The following ARHGAP32 variants were observed in gnomAD, a reference collection of about 807,000 sequenced individuals.
ARHGAP32 encodes rho GTPase-activating protein 32.
In ARHGAP32, 51 loss-of-function variants were observed where a neutral mutation model predicts 186.5. The observed-to-expected ratio is 0.27, with a 90% CI of 0.22 to 0.35. The LOEUF (loss-of-function observed/expected upper bound fraction) is 0.35, where lower values mean the gene tolerates loss of function less well. Ranked by LOEUF, ARHGAP32 falls within the 10% of genes least tolerant of loss-of-function variation. ARHGAP32 has a pLI of 1.00. For synonymous variants in ARHGAP32, 950 were observed against 964.3 expected (o/e 0.99, Z 0.27); for missense variants, 2,186 against 2,623.5 (o/e 0.83, Z 3.64).
intron 1 of ARHGAP32, among the ~76,000 whole-genome samples, chr11:129,268,803 C>T (rs1444157570): frequency 6.6e-6 from 1 of 151,918 alleles, no homozygotes; most frequent in African/African-American, 2.4e-5. Context: ...TCTACTGCTA[C>T]CAGCTGGATC....
At chr11:128,993,341 A>G (rs1196355053) in intron 12 of ARHGAP32, 3 of 152,180 alleles carry the variant, frequency 2.0e-5, no homozygotes, top group Non-Finnish European at 2.9e-5. Flanking sequence ...AAGCAAGCAC[A>G]TAAAACGTAA....
intron 6 of ARHGAP32, among the ~76,000 whole-genome samples, chr11:129,092,967 G>A (rs525988): frequency 0.12 from 18,713 of 151,892 alleles, 1,338 homozygotes; most frequent in Middle Eastern, 0.16. Flanking sequence ...TTACATGATG[G>A]GGGAAATAAT....
intron 12 of ARHGAP32, among the ~76,000 whole-genome samples, 179 bp from the exon 13 acceptor site, chr11:128,988,304 C>T (rs963286392): frequency 3.3e-5 from 5 of 152,116 alleles, no homozygotes; most frequent in Non-Finnish European, 5.9e-5. Flanking sequence ...AATTGCCCAC[C>T]TAAATTAGAT....
intron 5 of ARHGAP32, among the ~76,000 whole-genome samples, chr11:129,119,174 G>A (rs1240705813): frequency 6.6e-6 from 1 of 151,884 alleles, no homozygotes; most frequent in Non-Finnish European, 1.5e-5. Context: ...CTGTCACCTA[G>A]TATTCTAGGG....
chr11:128,990,255 G>A (rs1334084250), intron 12 of ARHGAP32, among the ~76,000 whole-genome samples: 3 of 152,170 alleles, frequency 2.0e-5, no homozygotes, highest in Admixed American at 1.3e-4. Context: ...GCTGAGCACT[G>A]TGTTCTATGT....
At chr11:129,045,943 T>C (rs1939788472) in intron 10 of ARHGAP32, among the ~76,000 whole-genome samples, 1 of 152,130 alleles carries the variant, frequency 6.6e-6, no homozygotes, top group South Asian at 2.1e-4. Flanking sequence ...TTAGGAATGG[T>C]CTTGAAAAGA....
In ARHGAP32 at chr11:128,966,965, C is replaced by G. The variant is rs747280800; in HGVS notation, c.*1942G>C. On this transcript the variant is annotated 3_prime_UTR_variant, in exon 23 of 23. Coordinates refer to ENST00000682385, the MANE Select transcript of ARHGAP32 (RefSeq NM_001378024.1). Reference sequence around the variant, plus strand: ...AAAGGGAAGTATCCTATCAGGTTTCCTAGCACTTTGACTGTAAAACAGTTG... The same window carrying G: ...AAAGGGAAGTATCCTATCAGGTTTCGTAGCACTTTGACTGTAAAACAGTTG... 3.3e-5 allele frequency: 5 copies of G among 152,210 alleles called. No individual in the cohort carries two copies. The highest frequency in any genetic ancestry group is 2.0e-4 in the Admixed American group (3 of 15,286). 9.4% of individuals were successfully genotyped at this position (152,210 alleles called of 1,614,324 possible).
chr11:129,076,361 T>G (rs557691170), intron 6 of ARHGAP32, among the ~76,000 whole-genome samples: 5 of 152,234 alleles, frequency 3.3e-5, no homozygotes, highest in Non-Finnish European at 5.9e-5. Context: ...TTTCACGTTA[T>G]GGGCTCTCCC....
At chr11:129,141,335 G>C (rs901899452) in intron 2 of ARHGAP32, among the ~76,000 whole-genome samples, 18 of 150,816 alleles carry the variant, frequency 1.2e-4, no homozygotes, top group Admixed American at 3.3e-4. Flanking sequence ...CATGGATGAA[G>C]CTGGAAACCA....
chr11:129,124,783 C>A lies in ARHGAP32; in HGVS notation c.317+20G>T. On this transcript the variant is annotated intron_variant, in intron 3 of 22. Coordinates refer to ENST00000682385, the MANE Select transcript of ARHGAP32 (RefSeq NM_001378024.1). ...CATTCGTAGGAATTCATTTAGAATC[C>A]ACTGTAAAGTTATACTCACTTTTTC... The A allele has an allele frequency of 1.3e-6, 2 of 1,524,856 alleles. No homozygotes were observed. The highest frequency in any genetic ancestry group is 2.3e-5 in the East Asian group (1 of 43,768). The allele number at this position is 1,524,856 out of a possible 1,614,324, so 94.5% of individuals were successfully genotyped here. A position where few individuals can be genotyped will look rare whatever the true frequency, so the allele number is the denominator to read the frequency against.
At chr11:129,083,413 C>T (rs1941282711) in intron 6 of ARHGAP32, among the ~76,000 whole-genome samples, 1 of 152,142 alleles carries the variant, frequency 6.6e-6, no homozygotes, top group African/African-American at 2.4e-5. Context: ...AAAATAATGG[C>T]ATTCACAGCA....
At chr11:129,109,883 C>T (rs1942157506) in intron 5 of ARHGAP32, among the ~76,000 whole-genome samples, 1 of 152,070 alleles carries the variant, frequency 6.6e-6, no homozygotes, top group East Asian at 1.9e-4. Context: ...TTTCCTCCCA[C>T]TCCACCAGCT....
intron 2 of ARHGAP32, among the ~76,000 whole-genome samples, chr11:129,129,526 G>A (rs1276101922): frequency 6.6e-6 from 1 of 152,252 alleles, no homozygotes; most frequent in Admixed American, 6.5e-5. Flanking sequence ...CCACCTGTCT[G>A]GGAGGTGTAC....
rs73019155 is a variant in ARHGAP32, at chr11:129,167,032, C to A, written c.117-2605G>T. 3.4e-3 allele frequency among the ~76,000 whole-genome samples: 513 copies of A among 150,916 alleles called. 3 individuals are homozygous for A. Among genetic ancestry groups the A allele is most frequent in the Middle Eastern group, 0.017 (5 of 292 alleles). On this transcript the variant is annotated intron_variant, in intron 1 of 22. Coordinates refer to ENST00000682385, the MANE Select transcript of ARHGAP32 (RefSeq NM_001378024.1). ...GTCTCTATAGTGAACACTAGAAGAA[C>A]GAGAAATAAATGTATAACTAAAAAG...
intron 6 of ARHGAP32, among the ~76,000 whole-genome samples, chr11:129,069,916 C>T (rs1443178593): frequency 6.6e-6 from 1 of 151,986 alleles, no homozygotes; most frequent in Non-Finnish European, 1.5e-5. Context: ...ATTGGCTTTG[C>T]TTCTAATCCT....
intron 1 of ARHGAP32, among the ~76,000 whole-genome samples, chr11:129,234,988 A>G (rs900207838): frequency 3.3e-5 from 5 of 152,214 alleles, no homozygotes; most frequent in African/African-American, 1.2e-4. Context: ...TAAAGACTGC[A>G]CTATTTAGAA....
chr11:128,976,646 A>C lies in ARHGAP32; in HGVS notation c.2123-12T>G. The C allele has an allele frequency of 6.2e-7, 1 of 1,610,932 alleles. No homozygotes were observed. The highest frequency in any genetic ancestry group is 8.5e-7 in the Non-Finnish European group (1 of 1,177,120). ...TTCTGCCCTGCCACCTGAAGAATAA[A>C]AAACACATAGTGTGAAGATTTCTTA... On this transcript the variant is annotated splice_polypyrimidine_tract_variant and intron_variant, in intron 19 of 22. Transcript: ENST00000682385.
chr11:129,123,232 A>C lies in ARHGAP32; in HGVS notation c.444+214T>G, dbSNP rs1942575976. 6.6e-6 allele frequency among the ~76,000 whole-genome samples: 1 copy of C among 152,124 alleles called. No homozygotes were observed. Among genetic ancestry groups the C allele is most frequent in the South Asian group, 2.1e-4 (1 of 4,814 alleles). ...AGGACTGATTTTCCTTAACTGATAC[A>C]TGTTAGTGTGATGGTTACTTTCATA... On this transcript the variant is annotated intron_variant, in intron 5 of 22. Transcript: ENST00000682385. The surrounding 1 kb of genome is among the most constrained non-coding windows in gnomAD (Gnocchi z 4.6).
At chr11:129,185,062 G>A (rs1199390742) in intron 1 of ARHGAP32, among the ~76,000 whole-genome samples, 1 of 152,154 alleles carries the variant, frequency 6.6e-6, no homozygotes, top group African/African-American at 2.4e-5. Context: ...CAGGGATCTA[G>A]AACTAGAAAT....
Sources: gnomAD v4.1 joint callset for allele counts (sites outside exome capture counted in the v4.1 genomes callset) on GRCh38, gnomAD v4.1.1 for gene constraint, Gnocchi (gnomAD v3.1) non-coding constraint, MANE v1.5 for transcripts, NCBI Gene and HGNC (gene_info 2026-07-23, HGNC 2026-07-21) for gene names.